Variants in PARD3B observed in about 807,000 individuals in gnomAD.
PARD3B encodes partitioning defective 3 homolog B.
PARD3B carries 103 observed loss-of-function variants against 130.2 expected under a neutral mutation model. The observed-to-expected ratio is 0.79, with a 90% confidence interval of 0.67 to 0.93. The LOEUF (loss-of-function observed/expected upper bound fraction) is 0.93, where lower values mean the gene tolerates loss of function less well. Ranked by LOEUF, PARD3B falls within the 40% of genes least tolerant of loss-of-function variation. The pLI is 0.00. For synonymous variants in PARD3B, 583 were observed against 553.2 expected, an observed-to-expected ratio of 1.05 and a Z score of -0.76; for missense variants, 1,609 against 1,499.2, an observed-to-expected ratio of 1.07 and a Z score of -1.21.
chr2:205,515,377 T>G (rs928388189), intron 21 of PARD3B, among the ~76,000 whole-genome samples: 3 of 152,256 alleles, frequency 2.0e-5, no homozygotes, highest in Admixed American at 1.3e-4. Context: ...AGATTGTTGT[T>G]TGAAATGGTG....
intron 1 of PARD3B, among the ~76,000 whole-genome samples, chr2:204,670,585 A>G (rs1296121965): frequency 2.0e-5 from 3 of 151,988 alleles, no homozygotes; most frequent in Non-Finnish European, 2.9e-5. Context: ...CATCAATTTT[A>G]GACATTTTCT....
chr2:205,277,715 G>T (rs1400732225), intron 16 of PARD3B, among the ~76,000 whole-genome samples: 2 of 152,088 alleles, frequency 1.3e-5, no homozygotes, highest in Non-Finnish European at 2.9e-5. Flanking sequence ...GGACTGTGGG[G>T]GGAAGAACAA....
intron 1 of PARD3B, among the ~76,000 whole-genome samples, chr2:204,615,073 T>C (rs1377725050): frequency 1.3e-5 from 2 of 152,222 alleles, no homozygotes; most frequent in East Asian, 3.8e-4. Flanking sequence ...ATGTAGAAGA[T>C]AGTTAGATCT....
In PARD3B at chr2:205,364,622, C is replaced by G. The variant is rs145503905; in HGVS notation, c.2631-36391C>G. Among the ~76,000 whole-genome samples, 6 of 152,236 alleles carry G rather than the reference C, an allele frequency of 3.9e-5. No homozygotes were observed. In the East Asian group the frequency reaches 1.2e-3, roughly 29 times the overall value. The stretch of plus-strand genomic sequence containing the variant: ...TTCACAACTCTTGAATATCGTATTA[C>G]AAGGCAGGGTGTGATTTTTATTGAC... On this transcript the variant is annotated intron_variant, in intron 18 of 22. Coordinates refer to ENST00000406610, the MANE Select transcript of PARD3B (RefSeq NM_001302769.2).
chr2:205,492,578 A>T (rs2049759954), intron 20 of PARD3B, among the ~76,000 whole-genome samples: 1 of 152,182 alleles, frequency 6.6e-6, no homozygotes, highest in Non-Finnish European at 1.5e-5. Context: ...AAAGTTGTCC[A>T]TGGATAGTCA....
At chr2:205,497,049 T>G (rs539452043) in intron 20 of PARD3B, among the ~76,000 whole-genome samples, 37 of 152,224 alleles carry the variant, frequency 2.4e-4, no homozygotes, top group Admixed American at 9.8e-4. Context: ...GAAAATAGAC[T>G]GTGCTGCTTT....
intron 21 of PARD3B, among the ~76,000 whole-genome samples, chr2:205,552,939 A>G (rs2052714901): frequency 6.6e-6 from 1 of 152,216 alleles, no homozygotes; most frequent in African/African-American, 2.4e-5. Context: ...AACTGGGTAC[A>G]GGATGTATGG....
rs191766521 is a variant in PARD3B at position 205,011,354 on chromosome 2, G to C, written c.395-36227G>C. Among the ~76,000 whole-genome samples the C allele has an allele frequency of 3.2e-3, 492 of 152,236 alleles. 2 individuals are homozygous for C. Among genetic ancestry groups the C allele is most frequent in the African/African-American group, 0.011 (468 of 41,542 alleles). ...CCTCAGCTCACATGTGTGGGTGCTG[G>C]CAGTCCTAATTTCCTCAGGTTGTCA... is the stretch of plus-strand genomic sequence containing the variant. On this transcript the variant is annotated intron_variant, in intron 3 of 22. Coordinates refer to ENST00000406610, the MANE Select transcript of PARD3B (RefSeq NM_001302769.2). This position sits in a 1 kb window ranked among gnomAD's most constrained non-coding sequence, Gnocchi z 4.1.
rs112477054 is a variant in PARD3B at position 205,263,996 on chromosome 2, C to A, written c.2185+18174C>A. Among the ~76,000 whole-genome samples the A allele has an allele frequency of 6.9e-3, 1,048 of 150,998 alleles. 35 individuals are homozygous for A. Among genetic ancestry groups the A allele is most frequent in the African/African-American group, 0.024 (998 of 41,134 alleles). On this transcript the variant is annotated intron_variant, in intron 16 of 22. Coordinates refer to ENST00000406610, the MANE Select transcript of PARD3B (RefSeq NM_001302769.2). The surrounding 1 kb of genome is among the most constrained non-coding windows in gnomAD (Gnocchi z 4.0). ...ATGATAAATGTATTATAAAATGTGG[C>A]AGAGACAGGTGGATAGGACTTGACA... is the stretch of plus-strand genomic sequence containing the variant.
chr2:205,367,860 T>C (rs1370745134), intron 18 of PARD3B, among the ~76,000 whole-genome samples: 1 of 152,246 alleles, frequency 6.6e-6, no homozygotes, highest in Non-Finnish European at 1.5e-5. Flanking sequence ...GTTTATGTGG[T>C]TAAGTCTACT....
chr2:204,548,290 A>G (rs2030158952), intron 1 of PARD3B, among the ~76,000 whole-genome samples: 1 of 152,200 alleles, frequency 6.6e-6, no homozygotes, highest in Non-Finnish European at 1.5e-5. Context: ...CTTTCTGTAA[A>G]TCAGTGAATT....
intron 22 of PARD3B, among the ~76,000 whole-genome samples, chr2:205,612,453 T>C (rs891310429): frequency 6.6e-6 from 1 of 152,190 alleles, no homozygotes; most frequent in African/African-American, 2.4e-5. Flanking sequence ...AAATTAGTTT[T>C]TTTAATAATT....
intron 3 of PARD3B, among the ~76,000 whole-genome samples, chr2:205,006,018 C>A (rs985353412): frequency 6.6e-6 from 1 of 152,122 alleles, no homozygotes; most frequent in Non-Finnish European, 1.5e-5. Context: ...TAGGCCTTTG[C>A]ATCGTCATAG....
At chr2:204,970,228 C>T (rs1319429215) in intron 3 of PARD3B, among the ~76,000 whole-genome samples, 1 of 152,136 alleles carries the variant, frequency 6.6e-6, no homozygotes, top group East Asian at 1.9e-4. Flanking sequence ...TTGGCCCAAC[C>T]CAATCTTTGT....
chr2:204,801,916 G>A (rs2125501571), intron 2 of PARD3B, among the ~76,000 whole-genome samples: 1 of 152,254 alleles, frequency 6.6e-6, no homozygotes. Flanking sequence ...TTAGCATGAA[G>A]CAGTGTTGAA....
At chr2:205,277,712 G>C (rs1301552881) in intron 16 of PARD3B, among the ~76,000 whole-genome samples, 2 of 152,098 alleles carry the variant, frequency 1.3e-5, no homozygotes, top group Admixed American at 6.6e-5. Flanking sequence ...TTTGGACTGT[G>C]GGGGGAAGAA....
intron 1 of PARD3B, among the ~76,000 whole-genome samples, chr2:204,620,452 C>CAGTGA (rs2034259585): frequency 6.6e-6 from 1 of 152,206 alleles, no homozygotes; most frequent in African/African-American, 2.4e-5. Context: ...TGTTATGATT[C>CAGTGA]ACTGGCCAAA....
Position 205,351,049 on chromosome 2 carries a change from T to G in PARD3B, c.2630+49348T>G, listed in dbSNP as rs1352563231. Among the ~76,000 whole-genome samples the G allele has an allele frequency of 6.6e-6, 1 of 152,230 alleles. No individual in the cohort carries two copies. The highest frequency in any genetic ancestry group is 2.4e-5 in the African/African-American group (1 of 41,468). ...AGAGCAACTTCTAAAAAAATCTGTCTTCTTGGTTCAGTCTTGCTGGTTTTC... is the reference window on the plus strand; with the variant it reads ...AGAGCAACTTCTAAAAAAATCTGTCGTCTTGGTTCAGTCTTGCTGGTTTTC... On this transcript the variant is annotated intron_variant, in intron 18 of 22. Transcript: ENST00000406610. The surrounding 1 kb of genome is among the most constrained non-coding windows in gnomAD (Gnocchi z 4.2).
intron 10 of PARD3B, among the ~76,000 whole-genome samples, chr2:205,153,498 C>T (rs2033901146): frequency 6.6e-6 from 1 of 152,100 alleles, no homozygotes; most frequent in Non-Finnish European, 1.5e-5. Context: ...TCAATGCCAT[C>T]CCCATCAAGC....
Sources: allele counts gnomAD v4.1 joint callset (sites outside exome capture counted in the v4.1 genomes callset), GRCh38; gene constraint gnomAD v4.1.1; non-coding constraint Gnocchi (gnomAD v3.1); transcripts MANE v1.5; gene names NCBI Gene and HGNC (gene_info 2026-07-23, HGNC 2026-07-21).